The following CMC2 variants were observed in gnomAD, a reference collection of about 807,000 sequenced individuals.
The protein encoded by CMC2 is COX assembly mitochondrial protein 2 homolog.
A neutral mutation model predicts 7.5 loss-of-function variants in CMC2; 5 were observed. The observed-to-expected ratio is 0.66, with a 90% CI of 0.35 to 1.40. The LOEUF is 1.40. Among genes scored for constraint, CMC2 ranks in the 40% most tolerant of loss-of-function variants. The pLI is 0.04. For synonymous variants in CMC2, 37 were observed against 31.4 expected, an observed-to-expected ratio of 1.18 and a Z score of -0.60; for missense variants, 115 against 92.3, an observed-to-expected ratio of 1.25 and a Z score of -1.01.
rs1419970782 is a variant in CMC2 at position 80,973,538 on chromosome 16, C to A, written c.*2555G>T. 2 of 152,176 alleles carry A rather than the reference C, an allele frequency of 1.3e-5. No individual in the cohort carries two copies. Among genetic ancestry groups the A allele is most frequent in the South Asian group, 2.1e-4 (1 of 4,834 alleles). The allele number at this position is 152,176 out of a possible 1,614,324, so 9.4% of individuals were successfully genotyped here. A position where few individuals can be genotyped will look rare whatever the true frequency, so the allele number is the denominator to read the frequency against. ...CTATTCACCGAATAACCAGAAAGAT[C>A]TTTATAAAATATAAATAAATGAAAT... On this transcript the variant is annotated 3_prime_UTR_variant, in exon 4 of 4. Coordinates refer to ENST00000219400, the MANE Select transcript of CMC2 (RefSeq NM_020188.5).
Position 80,974,483 on chromosome 16 carries a change from T to A in CMC2, c.*1610A>T, listed in dbSNP as rs1912137865. ...ATAAAATTCCAACAGATTTCAAAGC[T>A]GTCTATGATCTTCCTCCACTCTAAG... is the stretch of plus-strand genomic sequence containing the variant. On this transcript the variant is annotated 3_prime_UTR_variant, in exon 4 of 4. Coordinates refer to ENST00000219400, the MANE Select transcript of CMC2 (RefSeq NM_020188.5). 1 of 152,068 alleles carries A rather than the reference T, an allele frequency of 6.6e-6. No homozygotes were observed. Among genetic ancestry groups the A allele is most frequent in the Admixed American group, 6.5e-5 (1 of 15,282 alleles). 9.4% of individuals were successfully genotyped at this position (152,068 alleles called of 1,614,324 possible).
intron 2 of CMC2, among the ~76,000 whole-genome samples, chr16:80,994,261 C>T (rs1262113123): frequency 6.6e-6 from 1 of 151,936 alleles, no homozygotes; most frequent in Non-Finnish European, 1.5e-5. Context: ...TGAAACGAAT[C>T]ATAGACCAAT....
rs913998722 is a variant in CMC2 at position 80,971,263 on chromosome 16, A to T, written c.*4830T>A. The T allele has an allele frequency of 2.0e-5, 3 of 152,170 alleles. 1 individual carries two copies. The highest frequency in any genetic ancestry group is 4.4e-5 in the Non-Finnish European group (3 of 68,034). 9.4% of individuals were successfully genotyped at this position (152,170 alleles called of 1,614,324 possible). A position where few individuals can be genotyped will look rare whatever the true frequency, so the allele number is the denominator to read the frequency against. On this transcript the variant is annotated 3_prime_UTR_variant, in exon 4 of 4. Transcript: ENST00000219400. ...ATTAAAATCCTAGGTTTATACCTAA[A>T]AACACTCTCCCAGATTGGACAAGAA...
chr16:80,999,697 C>T (rs1968712974), intron 1 of CMC2, among the ~76,000 whole-genome samples: 1 of 152,222 alleles, frequency 6.6e-6, no homozygotes, highest in African/African-American at 2.4e-5. Context: ...CAGCAAGCTT[C>T]TCCTACAAAA....
intron 2 of CMC2, among the ~76,000 whole-genome samples, chr16:80,985,441 T>C (rs1215098375): frequency 6.6e-6 from 1 of 152,194 alleles, no homozygotes; most frequent in Non-Finnish European, 1.5e-5. Context: ...TTTTTTCTGG[T>C]TTGAAAAATA....
intron 1 of CMC2, among the ~76,000 whole-genome samples, chr16:81,001,784 A>G (rs1968886520): frequency 6.6e-6 from 1 of 152,192 alleles, no homozygotes; most frequent in African/African-American, 2.4e-5. Flanking sequence ...CATAGCTACT[A>G]TTTCAATTGC....
intron 2 of CMC2, chr16:80,982,661 T>C (rs80316191): frequency 6.6e-5 from 10 of 151,870 alleles, no homozygotes; most frequent in African/African-American, 1.7e-4. Context: ...TTTGAGAGAA[T>C]TGTAAGCAAA....
chr16:81,003,551 C>T (rs1433659594), intron 1 of CMC2, among the ~76,000 whole-genome samples: 1 of 152,186 alleles, frequency 6.6e-6, no homozygotes, highest in Non-Finnish European at 1.5e-5. Context: ...GCTGCAAAGT[C>T]ACAACCCAAC....
At position 80,972,629 on chromosome 16, in the gene CMC2, T is replaced by G. The variant is rs1007327252; in HGVS notation, c.*3464A>C. On this transcript the variant is annotated 3_prime_UTR_variant, in exon 4 of 4. Transcript: ENST00000219400. ...TTCACTGTCACCAGAGCATCAAGGTTCACAACATTCTGCAAAACTAGATTT... is the reference window on the plus strand; with the variant it reads ...TTCACTGTCACCAGAGCATCAAGGTGCACAACATTCTGCAAAACTAGATTT... The G allele has an allele frequency of 2.6e-5, 4 of 152,216 alleles. No individual in the cohort carries two copies. Among genetic ancestry groups the G allele is most frequent in the African/African-American group, 9.6e-5 (4 of 41,460 alleles). 9.4% of individuals were successfully genotyped at this position (152,216 alleles called of 1,614,324 possible). A position where few individuals can be genotyped will look rare whatever the true frequency, so the allele number is the denominator to read the frequency against.
chr16:80,988,544 A>C (rs1313253823), intron 2 of CMC2: 1 of 701,970 alleles, frequency 1.4e-6, no homozygotes, highest in South Asian at 1.5e-5. Flanking sequence ...TCTTACATAT[A>C]CACCCGAGCT....
chr16:80,973,728 T>C lies in CMC2; in HGVS notation c.*2365A>G, dbSNP rs1217406967. 6.6e-6 allele frequency: 1 copy of C among 152,222 alleles called. No homozygotes were observed. Among genetic ancestry groups the C allele is most frequent in the African/African-American group, 2.4e-5 (1 of 41,434 alleles). The allele number at this position is 152,222 out of a possible 1,614,324, so 9.4% of individuals were successfully genotyped here. A position where few individuals can be genotyped will look rare whatever the true frequency, so the allele number is the denominator to read the frequency against. ...TCACTGTGCTCCAGTTCACTAGCAT[T>C]TTATTTGTCAAACTCCCTTCCTAGA... On this transcript the variant is annotated 3_prime_UTR_variant, in exon 4 of 4. Coordinates refer to ENST00000219400, the MANE Select transcript of CMC2 (RefSeq NM_020188.5).
At chr16:81,001,799 T>C (rs1203399411) in intron 1 of CMC2, among the ~76,000 whole-genome samples, 1 of 151,964 alleles carries the variant, frequency 6.6e-6, no homozygotes, top group Non-Finnish European at 1.5e-5. Context: ...AATTGCAACT[T>C]ATAAAAATGC....
intron 2 of CMC2, chr16:80,992,107 T>A (rs1323068888): frequency 2.9e-6 from 1 of 344,172 alleles, no homozygotes; most frequent in Non-Finnish European, 5.8e-6. Flanking sequence ...GGACACTAGA[T>A]GTGAGGTATA....
chr16:80,978,612 G>A (rs1212626486), intron 3 of CMC2, among the ~76,000 whole-genome samples: 1 of 151,832 alleles, frequency 6.6e-6, no homozygotes, highest in Non-Finnish European at 1.5e-5. Flanking sequence ...GCTCACACCT[G>A]TAATCCAAAA....
rs183841394 is a variant in CMC2, at chr16:80,981,056, T to C, written c.153+750A>G. On this transcript the variant is annotated intron_variant, in intron 3 of 3. Coordinates refer to ENST00000219400, the MANE Select transcript of CMC2 (RefSeq NM_020188.5). The stretch of plus-strand genomic sequence containing the variant: ...AGATGTTGGACAACTTCAAATATTA[T>C]ATTTAAATCTTTCAATATGAGGCAA... 3.3e-3 allele frequency among the ~76,000 whole-genome samples: 492 copies of C among 148,692 alleles called. 4 individuals are homozygous for C. Among genetic ancestry groups the C allele is most frequent in the Non-Finnish European group, 5.7e-3 (385 of 67,444 alleles).
In CMC2 at chr16:80,966,931, C is replaced by T. The variant is rs1911594773; in HGVS notation, c.*9162G>A. The T allele has an allele frequency of 2.6e-5, 4 of 152,072 alleles. No individual in the cohort carries two copies. The East Asian group carries it at 5.8e-4, about 22-fold the overall frequency. 9.4% of individuals were successfully genotyped at this position (152,072 alleles called of 1,614,324 possible). A position where few individuals can be genotyped will look rare whatever the true frequency, so the allele number is the denominator to read the frequency against. ...CTGTCCTATTCGTAGACATATAGAG[C>T]CCGTCTTATTTTAATTACATCCAAC... is the stretch of plus-strand genomic sequence containing the variant. On this transcript the variant is annotated 3_prime_UTR_variant, in exon 4 of 4. Transcript: ENST00000219400.
intron 1 of CMC2, among the ~76,000 whole-genome samples, chr16:81,002,014 TAA>T (rs943924719): frequency 6.6e-6 from 1 of 152,210 alleles, no homozygotes; most frequent in African/African-American, 2.4e-5. Context: ...TTAGAAAAAT[TAA>T]GTTTCATACA....
intron 1 of CMC2, chr16:80,998,101 T>A (rs1202096867): frequency 2.6e-5 from 3 of 114,790 alleles, no homozygotes; most frequent in Non-Finnish European, 5.7e-5. Flanking sequence ...TGGGCAGCTG[T>A]TCTTTTTTTT....
rs187369837 is a variant in CMC2, at chr16:80,984,984, G to C, written c.82-3107C>G. 2.0e-5 allele frequency among the ~76,000 whole-genome samples: 3 copies of C among 152,246 alleles called. No homozygotes were observed. In the East Asian group the frequency reaches 5.8e-4, roughly 29 times the overall value. ...CTAGTGCCTGGTGTCAATTTCTTGA[G>C]AACCAAACCAACCGAGTAACTGATT... On this transcript the variant is annotated intron_variant, in intron 2 of 3. Transcript: ENST00000219400.
Sources: gnomAD v4.1 joint callset for allele counts (sites outside exome capture counted in the v4.1 genomes callset) on GRCh38, gnomAD v4.1.1 for gene constraint, MANE v1.5 for transcripts, NCBI Gene and HGNC (gene_info 2026-07-23, HGNC 2026-07-21) for gene names.